Variants in ADAMTS17 observed in about 807,000 individuals in gnomAD.
ADAMTS17 encodes A disintegrin and metalloproteinase with thrombospondin motifs 17.
Under a neutral mutation model 141.5 loss-of-function variants are expected in ADAMTS17, and 113 were observed. That is an observed-to-expected ratio of 0.80 (90% CI 0.69 to 0.93). The LOEUF (loss-of-function observed/expected upper bound fraction) is 0.93. ADAMTS17 is among the 40% of genes least tolerant of loss of function. The pLI is 0.00. For missense variants in ADAMTS17, 1,659 were observed against 1,517.9 expected (o/e 1.09, Z -1.54); for synonymous variants, 768 against 630.6 (o/e 1.22, Z -3.27).
At chr15:99,991,550 G>C (rs560329688) in intron 20 of ADAMTS17, among the ~76,000 whole-genome samples, 1 of 152,206 alleles carries the variant, frequency 6.6e-6, no homozygotes, top group Non-Finnish European at 1.5e-5. Context: ...TGGAAAAATA[G>C]GAATGCTTTT....
chr15:99,985,033 G>A (rs1235797232), intron 20 of ADAMTS17, among the ~76,000 whole-genome samples: 5 of 152,212 alleles, frequency 3.3e-5, no homozygotes, highest in Non-Finnish European at 7.3e-5. Flanking sequence ...ACCCCTCCTG[G>A]CAATTTCCTG....
intron 19 of ADAMTS17, among the ~76,000 whole-genome samples, chr15:99,996,153 C>G (rs1032834747): frequency 6.6e-6 from 1 of 151,528 alleles, no homozygotes; most frequent in African/African-American, 2.4e-5. Context: ...CTCCCAGGTT[C>G]AAGCAATTCT....
At chr15:100,103,961 G>A (rs1230069601) in intron 14 of ADAMTS17, among the ~76,000 whole-genome samples, 1 of 152,198 alleles carries the variant, frequency 6.6e-6, no homozygotes. Flanking sequence ...CTTCACTGAA[G>A]AAGGTCACAG....
chr15:100,119,226 C>T (rs945753056), intron 12 of ADAMTS17, among the ~76,000 whole-genome samples: 1 of 152,144 alleles, frequency 6.6e-6, no homozygotes, highest in Admixed American at 6.5e-5. Flanking sequence ...ACGACAATAA[C>T]TTCTGGTTGT....
chr15:100,020,815 A>C (rs1317852179), intron 18 of ADAMTS17, among the ~76,000 whole-genome samples: 1 of 152,154 alleles, frequency 6.6e-6, no homozygotes, highest in Non-Finnish European at 1.5e-5. Context: ...GTCTATCTCC[A>C]TGCACTGACT....
At chr15:100,080,803 G>T (rs2034681885) in intron 15 of ADAMTS17, among the ~76,000 whole-genome samples, 1 of 152,070 alleles carries the variant, frequency 6.6e-6, no homozygotes, top group South Asian at 2.1e-4. Context: ...GTTAAGTATT[G>T]TTAACTTTAT....
At chr15:100,263,936 C>G (rs1383217304) in intron 4 of ADAMTS17, among the ~76,000 whole-genome samples, 1 of 152,212 alleles carries the variant, frequency 6.6e-6, no homozygotes, top group Admixed American at 6.5e-5. Flanking sequence ...CCGCTCAACA[C>G]GGCTGCACCC....
At chr15:100,150,343 G>A (rs934713091) in intron 10 of ADAMTS17, among the ~76,000 whole-genome samples, 3 of 152,202 alleles carry the variant, frequency 2.0e-5, no homozygotes, top group Non-Finnish European at 4.4e-5. Context: ...TTGAATGACA[G>A]TAGCTTTCCT....
rs773319793 is a variant in ADAMTS17, at chr15:100,049,023, CTG to C, written c.2456-33_2456-32del. ...AACCAAACCACAGGGAGCTGAGAGA[CTG>C]TGGCTGCACCCACGTGGAAAGGCTG... On this transcript the variant is annotated intron_variant, in intron 17 of 21. Transcript: ENST00000268070. 5 of 1,614,140 alleles carry C rather than the reference CTG, an allele frequency of 3.1e-6. No homozygotes were observed. In the East Asian group the frequency reaches 1.1e-4, roughly 36 times the overall value.
At chr15:100,323,018 C>T (rs553922930) in intron 3 of ADAMTS17, among the ~76,000 whole-genome samples, 7 of 135,826 alleles carry the variant, frequency 5.2e-5, no homozygotes, top group South Asian at 4.7e-4. Context: ...ACCCGGGAGG[C>T]GGAGCTTGCA....
chr15:100,299,137 A>C (rs2044931552), intron 3 of ADAMTS17, among the ~76,000 whole-genome samples: 1 of 152,286 alleles, frequency 6.6e-6, no homozygotes, highest in East Asian at 1.9e-4. Flanking sequence ...CCCATCTGCA[A>C]AAACAGTCAC....
intron 3 of ADAMTS17, among the ~76,000 whole-genome samples, chr15:100,301,324 T>TA (rs1491021292): frequency 1.7e-5 from 2 of 118,578 alleles, no homozygotes; most frequent in African/African-American, 2.8e-5. Flanking sequence ...CTATGTGAGT[T>TA]ATATATATAT....
At chr15:100,108,276 AT>A (rs1468008159) in intron 14 of ADAMTS17, among the ~76,000 whole-genome samples, 1 of 151,736 alleles carries the variant, frequency 6.6e-6, no homozygotes, top group Non-Finnish European at 1.5e-5. Flanking sequence ...GGTTCAAGCA[AT>A]TCTCCTGCCT....
intron 20 of ADAMTS17, among the ~76,000 whole-genome samples, chr15:99,986,594 T>A (rs2141304483): frequency 6.6e-6 from 1 of 152,286 alleles, no homozygotes; most frequent in African/African-American, 2.4e-5. Flanking sequence ...ACTTTCTTCT[T>A]TTCAGTATAA....
intron 12 of ADAMTS17, among the ~76,000 whole-genome samples, chr15:100,117,326 T>A (rs531138501): frequency 7.3e-4 from 111 of 152,154 alleles, no homozygotes; most frequent in Non-Finnish European, 1.2e-3. Context: ...TGGCCATGGG[T>A]AACACTGAAA....
intron 12 of ADAMTS17, among the ~76,000 whole-genome samples, chr15:100,117,575 C>T (rs374487984): frequency 6.6e-6 from 1 of 152,162 alleles, no homozygotes; most frequent in Admixed American, 6.5e-5. Context: ...GGTGTGAGAC[C>T]ACACATGGTC....
intron 7 of ADAMTS17, among the ~76,000 whole-genome samples, chr15:100,206,000 C>T (rs1048125075): frequency 6.6e-6 from 1 of 152,190 alleles, no homozygotes; most frequent in African/African-American, 2.4e-5. Context: ...CCTGCTCCTC[C>T]CTCTGGGTCA....
intron 7 of ADAMTS17, among the ~76,000 whole-genome samples, chr15:100,252,283 A>T (rs1422201055): frequency 2.0e-5 from 3 of 152,062 alleles, no homozygotes; most frequent in Non-Finnish European, 4.4e-5. Context: ...CTTCACCTGC[A>T]TTCATTCATT....
At chr15:100,091,320 G>A (rs975068031) in intron 15 of ADAMTS17, among the ~76,000 whole-genome samples, 2 of 152,132 alleles carry the variant, frequency 1.3e-5, no homozygotes, top group Non-Finnish European at 2.9e-5. Flanking sequence ...GAATTTACAA[G>A]GTAGATTCAC....
Sources: allele counts gnomAD v4.1 joint callset (sites outside exome capture counted in the v4.1 genomes callset), GRCh38; gene constraint gnomAD v4.1.1; transcripts MANE v1.5; gene names NCBI Gene and HGNC (gene_info 2026-07-23, HGNC 2026-07-21).